MECOM: variants seen among roughly 807,000 people sequenced by gnomAD.
The protein encoded by MECOM is MDS1 and EVI1 complex locus.
A neutral mutation model predicts 116.3 loss-of-function variants in MECOM; 13 were observed. The ratio of observed to expected loss-of-function variants is 0.11; its 90% CI spans 0.07 to 0.18. The LOEUF (loss-of-function observed/expected upper bound fraction) is 0.18. Among genes scored for constraint, MECOM ranks in the 10% least tolerant of loss-of-function variants. The pLI, the probability that MECOM is intolerant of heterozygous loss-of-function variation, is 1.00. For missense variants in MECOM, 1,299 were observed against 1,509.0 expected, an observed-to-expected ratio of 0.86 and a Z score of 2.31; for synonymous variants, 528 against 535.2, an observed-to-expected ratio of 0.99 and a Z score of 0.19.
intron 2 of MECOM, among the ~76,000 whole-genome samples, chr3:169,267,448 C>T (rs749181409): frequency 2.0e-5 from 3 of 152,128 alleles, no homozygotes; most frequent in Non-Finnish European, 4.4e-5. Context: ...CCTAAGGAAA[C>T]AGGAATGAGA....
At chr3:169,418,047 T>A (rs1349160409) in intron 1 of MECOM, among the ~76,000 whole-genome samples, 1 of 150,900 alleles carries the variant, frequency 6.6e-6, no homozygotes, top group African/African-American at 2.4e-5. Context: ...GCATGGCACA[T>A]GTATACATAT....
chr3:169,613,431 G>C (rs1180553812), intron 1 of MECOM: 1 of 152,158 alleles, frequency 6.6e-6, no homozygotes, highest in East Asian at 1.9e-4. Flanking sequence ...GGACACTCAG[G>C]ACTCGACTTC....
At chr3:169,315,376 T>C (rs556086153) in intron 2 of MECOM, among the ~76,000 whole-genome samples, 47 of 152,234 alleles carry the variant, frequency 3.1e-4, no homozygotes, top group Non-Finnish European at 4.0e-4. Flanking sequence ...TATCTGTTTA[T>C]TCTTTGTAAA....
chr3:169,340,450 T>C (rs1453257655), intron 2 of MECOM, among the ~76,000 whole-genome samples: 2 of 152,212 alleles, frequency 1.3e-5, no homozygotes, highest in Non-Finnish European at 2.9e-5. Flanking sequence ...GATTTCAAGT[T>C]AGATAGGATT....
At position 169,095,173 on chromosome 3, in the gene MECOM, T is replaced by G; in HGVS notation, c.2922A>C (p.Lys974Asn). 1 of 1,613,744 alleles carries G rather than the reference T, an allele frequency of 6.2e-7. No individual in the cohort carries two copies. The highest frequency in any genetic ancestry group is 8.5e-7 in the Non-Finnish European group (1 of 1,179,848). The change falls in exon 13 of 17, where the codon AAA becomes AAC. Residue 974 changes from lysine (K) to asparagine (N), a missense_variant. Lys to Asn is a moderately conservative substitution (Grantham distance 94, BLOSUM62 0). Coordinates refer to ENST00000651503, the MANE Select transcript of MECOM (RefSeq NM_004991.4). Reference sequence around the variant, plus strand: ...ATAAGTGACACTTAAATGGCTTCTCTTTATTGTGGATGTTGCGAACATGCC... The same window carrying G: ...ATAAGTGACACTTAAATGGCTTCTCGTTATTGTGGATGTTGCGAACATGCC... ...LQRHVRNIHN[K>N]EKPFKCHLCD...
intron 1 of MECOM, among the ~76,000 whole-genome samples, chr3:169,553,950 C>T (rs867319058): frequency 5.5e-5 from 8 of 145,746 alleles, no homozygotes; most frequent in South Asian, 2.4e-4. Flanking sequence ...CTGGAGGTTA[C>T]GGCTTCAATA....
chr3:169,640,622 G>T (rs1773344849), intron 1 of MECOM, among the ~76,000 whole-genome samples: 1 of 152,164 alleles, frequency 6.6e-6, no homozygotes, highest in South Asian at 2.1e-4. Flanking sequence ...ATTTTACTGA[G>T]AATTTCAAAG....
intron 2 of MECOM, among the ~76,000 whole-genome samples, chr3:169,324,882 C>T (rs1448842888): frequency 2.0e-5 from 3 of 152,246 alleles, no homozygotes; most frequent in African/African-American, 7.2e-5. Context: ...CCCTACCACC[C>T]CCCTCCCTTC....
intron 2 of MECOM, among the ~76,000 whole-genome samples, chr3:169,183,809 CACACACACACAT>C (rs1485844153): frequency 3.3e-5 from 2 of 60,340 alleles, no homozygotes; most frequent in Admixed American, 1.3e-4. Flanking sequence ...CACACACACA[CACACACACACAT>C]ATATATATAT....
At chr3:169,477,774 T>C (rs1750713021) in intron 1 of MECOM, among the ~76,000 whole-genome samples, 3 of 152,170 alleles carry the variant, frequency 2.0e-5, no homozygotes, top group African/African-American at 7.2e-5. Context: ...ACCAAATTAA[T>C]GTGAGAGCTT....
At chr3:169,143,561 A>T in intron 3 of MECOM, 137 bp downstream of exon 3, 1 of 734,140 alleles carries the variant, frequency 1.4e-6, no homozygotes, top group South Asian at 3.6e-5. Context: ...CATTTTACTT[A>T]TATTTGTGCA....
intron 1 of MECOM, among the ~76,000 whole-genome samples, chr3:169,485,883 AT>A (rs200124313): frequency 5.1e-5 from 5 of 98,028 alleles, no homozygotes; most frequent in East Asian, 4.3e-4. Context: ...ATGTATATAT[AT>A]GTATATATAG....
At chr3:169,398,504 T>C (rs747759745) in intron 1 of MECOM, among the ~76,000 whole-genome samples, 38 of 152,240 alleles carry the variant, frequency 2.5e-4, no homozygotes, top group Non-Finnish European at 5.4e-4. Flanking sequence ...TTAGAGTTCT[T>C]CAACCTTCTT....
At chr3:169,412,104 G>A (rs1464118313) in intron 1 of MECOM, among the ~76,000 whole-genome samples, 2 of 152,026 alleles carry the variant, frequency 1.3e-5, no homozygotes, top group Non-Finnish European at 2.9e-5. Context: ...TGACCAACAT[G>A]GCAAAACCCC....
intron 1 of MECOM, among the ~76,000 whole-genome samples, chr3:169,620,978 C>T (rs570029741): frequency 7.2e-5 from 11 of 152,226 alleles, no homozygotes; most frequent in South Asian, 2.1e-4. Context: ...AAGAGCTCTG[C>T]GGTCTTAAGA....
At chr3:169,433,720 C>A (rs529474776) in intron 1 of MECOM, among the ~76,000 whole-genome samples, 32 of 149,774 alleles carry the variant, frequency 2.1e-4, no homozygotes, top group African/African-American at 7.6e-4. Flanking sequence ...AAGAAAATTT[C>A]TTTCAATAAC....
chr3:169,296,321 A>G (rs1415079176), intron 2 of MECOM, among the ~76,000 whole-genome samples: 1 of 152,232 alleles, frequency 6.6e-6, no homozygotes, highest in Non-Finnish European at 1.5e-5. Context: ...ATCTGTGAGA[A>G]CAGAGTGAGT....
At chr3:169,179,100 T>A (rs976391012) in intron 2 of MECOM, among the ~76,000 whole-genome samples, 7 of 152,194 alleles carry the variant, frequency 4.6e-5, no homozygotes, top group East Asian at 1.9e-4. Context: ...GGCAAAAAAA[T>A]TATTTTTTAA....
intron 1 of MECOM, among the ~76,000 whole-genome samples, chr3:169,635,754 C>G (rs533432717): frequency 6.6e-6 from 1 of 152,264 alleles, no homozygotes; most frequent in East Asian, 1.9e-4. Flanking sequence ...TGGATATGCT[C>G]TAAATAATCT....
Sources: allele counts gnomAD v4.1 joint callset (sites outside exome capture counted in the v4.1 genomes callset), GRCh38; gene constraint gnomAD v4.1.1; transcripts MANE v1.5; gene names NCBI Gene and HGNC (gene_info 2026-07-23, HGNC 2026-07-21).